Variants in SLC12A1 observed in about 807,000 individuals in gnomAD.
SLC12A1 encodes the protein solute carrier family 12 member 1.
Under a neutral mutation model 130.4 loss-of-function variants are expected in SLC12A1, and 89 were observed. The ratio of observed to expected loss-of-function variants is 0.68; its 90% confidence interval spans 0.58 to 0.81. SLC12A1 has a LOEUF of 0.81. Ranked by LOEUF, SLC12A1 falls within the 40% of genes least tolerant of loss-of-function variation. The pLI, the probability that SLC12A1 is intolerant of heterozygous loss-of-function variation, is 0.00. For missense variants in SLC12A1, 1,310 were observed against 1,336.4 expected, an observed-to-expected ratio of 0.98 and a Z score of 0.31; for synonymous variants, 499 against 460.0, an observed-to-expected ratio of 1.08 and a Z score of -1.09.
intron 8 of SLC12A1, 123 bp downstream of exon 8, chr15:48,232,961 T>G: frequency 1.5e-6 from 1 of 659,630 alleles, no homozygotes; most frequent in East Asian, 2.5e-5. Flanking sequence ...TACTTGTGGA[T>G]GCGGAAGCCC....
At chr15:48,234,046 T>C (rs1274315683) in intron 8 of SLC12A1, among the ~76,000 whole-genome samples, 2 of 152,314 alleles carry the variant, frequency 1.3e-5, no homozygotes, top group African/African-American at 2.4e-5. Context: ...AGATCTAATA[T>C]CTAGGAGTAA....
In SLC12A1 at chr15:48,221,135, T is replaced by C. The variant is rs73402697; in HGVS notation, c.628+139T>C. 1.0e-3 allele frequency: 832 copies of C among 831,294 alleles called. 3 individuals carry two copies. In the African/African-American group the frequency reaches 0.013, roughly 13 times the overall value. 51.5% of individuals were successfully genotyped at this position (831,294 alleles called of 1,614,324 possible). On this transcript the variant is annotated intron_variant, in intron 4 of 26. Transcript: ENST00000380993. The stretch of plus-strand genomic sequence containing the variant: ...GTTGGGCTCCTTTTACTTTGCTTCT[T>C]TGACGATGTTTGTCAGAAAGCAAAG...
intron 7 of SLC12A1, among the ~76,000 whole-genome samples, chr15:48,231,499 T>C (rs2041377833): frequency 6.6e-6 from 1 of 152,200 alleles, no homozygotes. Flanking sequence ...GCTCCAGCTC[T>C]GTAGTTAGAG....
intron 2 of SLC12A1, among the ~76,000 whole-genome samples, chr15:48,209,076 T>C (rs543380910): frequency 6.6e-6 from 1 of 152,318 alleles, no homozygotes; most frequent in African/African-American, 2.4e-5. Flanking sequence ...CCCAATCTTT[T>C]TTGAGACGAA....
chr15:48,262,529 C>T lies in SLC12A1; in HGVS notation c.2154+3218C>T, dbSNP rs574893338. ...TTCCAACTATCCAGCTAACTCTTAACACTCTCCGCAGGCCTCTTCCTCTCT... is the reference window on the plus strand; with the variant it reads ...TTCCAACTATCCAGCTAACTCTTAATACTCTCCGCAGGCCTCTTCCTCTCT... On this transcript the variant is annotated intron_variant, in intron 17 of 26. Transcript: ENST00000380993. Among the ~76,000 whole-genome samples the T allele has an allele frequency of 2.1e-4, 32 of 152,244 alleles. No homozygotes were observed. In the East Asian group the frequency reaches 5.0e-3, roughly 24 times the overall value.
At chr15:48,216,547 A>C (rs960404588) in intron 2 of SLC12A1, among the ~76,000 whole-genome samples, 1 of 152,196 alleles carries the variant, frequency 6.6e-6, no homozygotes, top group Non-Finnish European at 1.5e-5. Flanking sequence ...GCAAGCAACT[A>C]AGGCTGTGTC....
intron 12 of SLC12A1, 124 bp from the exon 13 acceptor site, chr15:48,247,213 T>TG: frequency 9.9e-7 from 1 of 1,005,274 alleles, no homozygotes; most frequent in Non-Finnish European, 1.5e-6. Context: ...TAAACTGCAG[T>TG]GTTAACTTGT....
chr15:48,228,605 C>A (rs1329583370), intron 5 of SLC12A1: 1 of 239,792 alleles, frequency 4.2e-6, no homozygotes, highest in Non-Finnish European at 8.7e-6. Flanking sequence ...ATATATCATG[C>A]CTTCTTTCAC....
rs1274168248 is a variant in SLC12A1 at position 48,211,037 on chromosome 15, G to T, written c.420+2898G>T. ...TTTTTTTCTTAGACACAAAGGAATG[G>T]CAAATTAAAATATTAAAAATTAGGC... On this transcript the variant is annotated intron_variant, in intron 2 of 26. Transcript: ENST00000380993. Among the ~76,000 whole-genome samples, 3 of 152,104 alleles carry T rather than the reference G, an allele frequency of 2.0e-5. No homozygotes were observed. The East Asian group carries it at 5.8e-4, about 29-fold the overall frequency.
chr15:48,265,954 A>G (rs112226905), intron 17 of SLC12A1, among the ~76,000 whole-genome samples: 35 of 152,258 alleles, frequency 2.3e-4, no homozygotes, highest in African/African-American at 8.2e-4. Flanking sequence ...ATTTCAATAT[A>G]GAATCAATAC....
At chr15:48,222,552 T>C (rs1363659336) in intron 4 of SLC12A1, 1 of 152,124 alleles carries the variant, frequency 6.6e-6, no homozygotes, top group Non-Finnish European at 1.5e-5. Flanking sequence ...ACCTAGTAAG[T>C]GTTCAATGGA....
At chr15:48,291,302 T>C (rs920943792) in intron 23 of SLC12A1, among the ~76,000 whole-genome samples, 2 of 149,806 alleles carry the variant, frequency 1.3e-5, no homozygotes, top group African/African-American at 4.9e-5. Flanking sequence ...TATAATGTTA[T>C]AATATGTTTA....
In SLC12A1 at chr15:48,259,263, C is replaced by T. The variant is rs761397379; in HGVS notation, c.2106C>T (p.His702=). ...MTRPALLDIT[H]AFTKNSGLCI... is the part of the protein sequence containing the mutation. Reference sequence around the variant, plus strand: ...GACCTGCTCTCCTGGACATAACTCACGCCTTTACCAAGAACAGTGGCCTTT... The same window carrying T: ...GACCTGCTCTCCTGGACATAACTCATGCCTTTACCAAGAACAGTGGCCTTT... The change falls in exon 17 of 27, where the codon CAC becomes CAT. Residue 702 remains histidine (H), a synonymous_variant. Transcript: ENST00000380993. 75 of 1,613,728 alleles carry T rather than the reference C, an allele frequency of 4.6e-5. No individual in the cohort carries two copies. In the East Asian group the frequency reaches 7.1e-4, roughly 15 times the overall value.
intron 4 of SLC12A1, chr15:48,224,944 G>A: frequency 6.6e-6 from 1 of 152,070 alleles, no homozygotes; most frequent in African/African-American, 2.4e-5. Flanking sequence ...AAAATCCTTG[G>A]GGCAGCTTTT....
At chr15:48,226,822 AC>A (rs1017125428) in intron 5 of SLC12A1, 7 of 588,052 alleles carry the variant, frequency 1.2e-5, no homozygotes, top group African/African-American at 7.5e-5. Context: ...CCTTAGGTAA[AC>A]TTTTTCTTTT....
intron 15 of SLC12A1, among the ~76,000 whole-genome samples, chr15:48,255,189 C>T (rs992747855): frequency 6.6e-6 from 1 of 152,154 alleles, no homozygotes; most frequent in African/African-American, 2.4e-5. Flanking sequence ...CCTGTAATCC[C>T]AGCACTCTGA....
intron 20 of SLC12A1, among the ~76,000 whole-genome samples, chr15:48,275,684 G>C (rs932559693): frequency 6.6e-6 from 1 of 152,106 alleles, no homozygotes; most frequent in Non-Finnish European, 1.5e-5. Flanking sequence ...TGAGAATAGA[G>C]AGGAATGGAA....
rs1246960403 is a variant in SLC12A1, at chr15:48,232,773, T to A, written c.1022T>A (p.Phe341Tyr). 1 of 1,613,524 alleles carries A rather than the reference T, an allele frequency of 6.2e-7. No individual in the cohort carries two copies. Among genetic ancestry groups the A allele is most frequent in the Non-Finnish European group, 8.5e-7 (1 of 1,179,536 alleles). Reference protein sequence around the residue: ...LVILLIAIANFFIGTVIPSNN... With the variant: ...LVILLIAIANYFIGTVIPSNN... ...ATTCTTCTAATTGCTATTGCAAACT[T>A]CTTCATTGGAACTGTCATTCCATCC... The change falls in exon 8 of 27, where the codon TTC becomes TAC. Residue 341 changes from phenylalanine to tyrosine, a missense_variant. Physicochemically the swap from Phe to Tyr is conservative, Grantham distance 22 (BLOSUM62 3). Coordinates refer to ENST00000380993, the MANE Select transcript of SLC12A1 (RefSeq NM_000338.3).
At chr15:48,265,972 T>A (rs1172785660) in intron 17 of SLC12A1, among the ~76,000 whole-genome samples, 10 of 152,202 alleles carry the variant, frequency 6.6e-5, no homozygotes, top group Admixed American at 6.5e-4. Flanking sequence ...TACAGAAACA[T>A]TAATGAGATA....
Sources: gnomAD v4.1 joint callset for allele counts (sites outside exome capture counted in the v4.1 genomes callset) on GRCh38, gnomAD v4.1.1 for gene constraint, MANE v1.5 for transcripts, NCBI Gene and HGNC (gene_info 2026-07-23, HGNC 2026-07-21) for gene names.